GAS7: variants seen among roughly 807,000 people sequenced by gnomAD.
GAS7 encodes growth arrest-specific protein 7.
A neutral mutation model predicts 71.1 loss-of-function variants in GAS7; 28 were observed. The observed-to-expected ratio is 0.39, with a 90% CI of 0.29 to 0.54. GAS7 has a LOEUF of 0.54. Ranked by LOEUF, GAS7 falls within the 20% of genes least tolerant of loss-of-function variation. The pLI is 0.62. For missense variants in GAS7, 436 were observed against 627.8 expected (o/e 0.69, Z 3.27); for synonymous variants, 258 against 245.8 (o/e 1.05, Z -0.46).
At position 9,916,314 on chromosome 17, in the gene GAS7, G is replaced by A. The variant is rs1291143455; in HGVS notation, c.*914C>T. On this transcript the variant is annotated 3_prime_UTR_variant, in exon 14 of 14. Transcript: ENST00000432992. The stretch of plus-strand genomic sequence containing the variant: ...GCAGCCCAAAGGTGCACAGGGCACC[G>A]TGGCGGACAGGCCCCAGCTTGCTGG... 6 of 233,324 alleles carry A rather than the reference G, an allele frequency of 2.6e-5. No individual in the cohort carries two copies. Among genetic ancestry groups the A allele is most frequent in the Admixed American group, 1.1e-4 (2 of 17,796 alleles). The allele number at this position is 233,324 out of a possible 1,614,324, so 14.5% of individuals were successfully genotyped here. A position where few individuals can be genotyped will look rare whatever the true frequency, so the allele number is the denominator to read the frequency against.
chr17:9,962,011 G>A (rs1482289272), intron 4 of GAS7, among the ~76,000 whole-genome samples: 1 of 152,136 alleles, frequency 6.6e-6, no homozygotes, highest in East Asian at 1.9e-4. Flanking sequence ...CGCAGAGGTC[G>A]CACCTCCTCC....
At chr17:10,091,750 C>G (rs1487428076) in intron 1 of GAS7, among the ~76,000 whole-genome samples, 1 of 152,062 alleles carries the variant, frequency 6.6e-6, no homozygotes. Context: ...GACACCATCT[C>G]GGCTCACTGC....
chr17:10,063,315 C>A (rs773717737), intron 1 of GAS7, among the ~76,000 whole-genome samples: 1 of 152,298 alleles, frequency 6.6e-6, no homozygotes, highest in East Asian at 1.9e-4. Context: ...TGTGTGCGTG[C>A]GCATGATACT....
At chr17:9,957,995 G>A (rs2069317547) in intron 5 of GAS7, among the ~76,000 whole-genome samples, 1 of 152,206 alleles carries the variant, frequency 6.6e-6, no homozygotes, top group Admixed American at 6.5e-5. Flanking sequence ...TAAACAGGGT[G>A]ATGAGTGTGC....
At chr17:10,160,988 A>C (rs1251157117) in intron 1 of GAS7, among the ~76,000 whole-genome samples, 1 of 151,640 alleles carries the variant, frequency 6.6e-6, no homozygotes, top group Admixed American at 6.6e-5. Flanking sequence ...AGACGAAGGC[A>C]TGGCAGTATT....
At chr17:10,167,672 T>C (rs80053923) in intron 1 of GAS7, among the ~76,000 whole-genome samples, 1 of 152,250 alleles carries the variant, frequency 6.6e-6, no homozygotes, top group Admixed American at 6.5e-5. Context: ...TTCTTTTTTT[T>C]TCTGTGTCTT....
At chr17:10,124,323 A>G (rs756443819) in intron 1 of GAS7, among the ~76,000 whole-genome samples, 2 of 152,176 alleles carry the variant, frequency 1.3e-5, no homozygotes, top group Non-Finnish European at 2.9e-5. Flanking sequence ...CCAGAAACAC[A>G]CACTCACTCC....
At chr17:9,989,275 A>C (rs1461695076) in intron 2 of GAS7, among the ~76,000 whole-genome samples, 3 of 152,176 alleles carry the variant, frequency 2.0e-5, no homozygotes, top group African/African-American at 4.8e-5. Context: ...AGCTGCAGCA[A>C]AACAGTGTAT....
chr17:10,071,941 AAAAAAAAAAAAAG>A (rs2073344015), intron 1 of GAS7, among the ~76,000 whole-genome samples: 2 of 147,368 alleles, frequency 1.4e-5, no homozygotes, highest in Admixed American at 6.8e-5. Flanking sequence ...CATCTCAAGA[AAAAAAAAAAAAAG>A]AAAAGAAAAA....
chr17:10,000,609 G>T (rs776841313), intron 2 of GAS7, among the ~76,000 whole-genome samples: 2 of 152,168 alleles, frequency 1.3e-5, no homozygotes, highest in African/African-American at 4.8e-5. Flanking sequence ...TACTCAGGTC[G>T]TCATGAAAGT....
intron 1 of GAS7, among the ~76,000 whole-genome samples, chr17:10,174,763 C>T (rs921791110): frequency 4.6e-5 from 7 of 152,028 alleles, no homozygotes; most frequent in Non-Finnish European, 8.8e-5. Context: ...GACTTCAGGC[C>T]CCAGGTTCAG....
At chr17:10,114,616 GGGCT>G (rs1196106473) in intron 1 of GAS7, 4 of 152,010 alleles carry the variant, frequency 2.6e-5, no homozygotes, top group African/African-American at 9.7e-5. Context: ...GCCAGCATCA[GGGCT>G]GTGTCCAATT....
chr17:9,915,624 CA>C lies in GAS7; in HGVS notation c.*1603del, dbSNP rs1360277860. ...AATTCTCATTCAATGAAAGAGGCGC[CA>C]AAAAATTAGAGATTAATAAGTCATC... On this transcript the variant is annotated 3_prime_UTR_variant, in exon 14 of 14. Coordinates refer to ENST00000432992, the MANE Select transcript of GAS7 (RefSeq NM_201433.2). 8.8e-6 allele frequency: 2 copies of C among 227,834 alleles called. No individual in the cohort carries two copies. Among genetic ancestry groups the C allele is most frequent in the Non-Finnish European group, 1.7e-5 (2 of 114,766 alleles). 14.1% of individuals were successfully genotyped at this position (227,834 alleles called of 1,614,324 possible).
chr17:10,110,049 G>A (rs1168806142), intron 1 of GAS7, among the ~76,000 whole-genome samples: 11 of 122,242 alleles, frequency 9.0e-5, no homozygotes, highest in Middle Eastern at 5.7e-3. Flanking sequence ...GCAAGGCTCC[G>A]TCTCAAAAAA....
intron 1 of GAS7, among the ~76,000 whole-genome samples, chr17:10,137,972 CT>C (rs888872600): frequency 6.7e-6 from 1 of 148,260 alleles, no homozygotes; most frequent in East Asian, 2.0e-4. Flanking sequence ...TTTTTTTTTT[CT>C]TTTTTTGAGA....
At chr17:9,940,320 A>T (rs940392749) in intron 7 of GAS7, 120 bp from the exon 8 acceptor site, 2 of 756,428 alleles carry the variant, frequency 2.6e-6, no homozygotes, top group African/African-American at 3.4e-5. Flanking sequence ...CTCTGAGACC[A>T]CATGGCTCTT....
At chr17:10,159,944 C>T (rs1270712244) in intron 1 of GAS7, among the ~76,000 whole-genome samples, 1 of 151,930 alleles carries the variant, frequency 6.6e-6, no homozygotes, top group Non-Finnish European at 1.5e-5. Flanking sequence ...TGCCACCACA[C>T]CTAGCTAATT....
chr17:10,146,780 C>T (rs1472567907), intron 1 of GAS7, among the ~76,000 whole-genome samples: 3 of 152,020 alleles, frequency 2.0e-5, no homozygotes, highest in East Asian at 3.9e-4. Context: ...GTCAAGAGAT[C>T]GAGACCATCC....
At chr17:10,067,267 T>C (rs1170767860) in intron 1 of GAS7, among the ~76,000 whole-genome samples, 1 of 151,984 alleles carries the variant, frequency 6.6e-6, no homozygotes, top group East Asian at 1.9e-4. Flanking sequence ...TTTTTTGAGA[T>C]GGAGTCTCGC....
Sources: allele counts gnomAD v4.1 joint callset (sites outside exome capture counted in the v4.1 genomes callset), GRCh38; gene constraint gnomAD v4.1.1; transcripts MANE v1.5; gene names NCBI Gene and HGNC (gene_info 2026-07-23, HGNC 2026-07-21).